The following CLMP variants were observed in gnomAD, a reference collection of about 807,000 sequenced individuals.
CLMP encodes CXADR like cell adhesion molecule, also known as CXADR-like membrane protein.
CLMP carries 27 observed loss-of-function variants against 45.2 expected under a neutral mutation model. The observed-to-expected ratio is 0.60, with a 90% CI of 0.44 to 0.82. The LOEUF is 0.82. Ranked by LOEUF, CLMP falls within the 40% of genes least tolerant of loss-of-function variation. The probability of loss-of-function intolerance (pLI) is 0.00; values close to 1 mark genes in which losing one functional copy is unlikely to be tolerated. For synonymous variants in CLMP, 167 were observed against 171.4 expected (o/e 0.97, Z 0.20); for missense variants, 403 against 448.4 (o/e 0.90, Z 0.91).
chr11:123,143,848 A>G (rs1861200205), intron 1 of CLMP, among the ~76,000 whole-genome samples: 1 of 147,998 alleles, frequency 6.8e-6, no homozygotes, highest in Non-Finnish European at 1.5e-5. Context: ...TCACTCTGTT[A>G]CTCAGGCTGG....
intron 1 of CLMP, among the ~76,000 whole-genome samples, chr11:123,168,331 G>A (rs1162054863): frequency 6.6e-6 from 1 of 152,192 alleles, no homozygotes; most frequent in Non-Finnish European, 1.5e-5. Context: ...GCTTTGACCA[G>A]ACAGCATCTA....
intron 1 of CLMP, among the ~76,000 whole-genome samples, chr11:123,178,433 C>T (rs567871301): frequency 7.2e-5 from 11 of 152,264 alleles, no homozygotes; most frequent in East Asian, 1.9e-4. Flanking sequence ...TTCTCATTTT[C>T]GCAAAGACAC....
chr11:123,129,780 A>G (rs77603361), intron 1 of CLMP, among the ~76,000 whole-genome samples: 20,174 of 150,160 alleles, frequency 0.13, 1,703 homozygotes, highest in African/African-American at 0.22. Context: ...AGGCAGCTAA[A>G]TGACAAGCCA....
chr11:123,150,517 A>G (rs111986010), intron 1 of CLMP, among the ~76,000 whole-genome samples: 24 of 128,334 alleles, frequency 1.9e-4, no homozygotes, highest in African/African-American at 6.9e-4. Context: ...GGAAGGAAGG[A>G]AGGAAGGAAG....
chr11:123,112,770 ATTTT>A (rs34587716), intron 1 of CLMP, among the ~76,000 whole-genome samples: 1 of 113,998 alleles, frequency 8.8e-6, no homozygotes, highest in Admixed American at 1.0e-4. Context: ...GTTAGTACCC[ATTTT>A]TTTTTTTTTT....
intron 1 of CLMP, among the ~76,000 whole-genome samples, chr11:123,144,438 C>T (rs899220056): frequency 2.6e-5 from 4 of 152,206 alleles, no homozygotes; most frequent in African/African-American, 9.7e-5. Flanking sequence ...ATGGTGCAAT[C>T]TCGGCTCACT....
chr11:123,099,036 T>C (rs904441804), intron 1 of CLMP, among the ~76,000 whole-genome samples: 19 of 152,062 alleles, frequency 1.2e-4, no homozygotes, highest in African/African-American at 4.6e-4. Flanking sequence ...GCTCTGTTAT[T>C]ATGCCAGGTC....
intron 1 of CLMP, among the ~76,000 whole-genome samples, chr11:123,142,720 G>A (rs1467458406): frequency 2.3e-5 from 3 of 132,772 alleles, no homozygotes; most frequent in African/African-American, 3.2e-5. Flanking sequence ...TCCGCTTCCC[G>A]GGTTCACGCC....
rs71057331 is a variant in CLMP at position 123,105,823 on chromosome 11, GT to G, written c.29-7872del. 5.5e-3 allele frequency among the ~76,000 whole-genome samples: 759 copies of G among 136,894 alleles called. 6 individuals carry two copies. Among genetic ancestry groups the G allele is most frequent in the African/African-American group, 0.017 (629 of 37,700 alleles). The allele number at this position is 136,894 out of a possible 152,430, so 89.8% of individuals were successfully genotyped here. A position where few individuals can be genotyped will look rare whatever the true frequency, so the allele number is the denominator to read the frequency against. On this transcript the variant is annotated intron_variant, in intron 1 of 6. Coordinates refer to ENST00000448775, the MANE Select transcript of CLMP (RefSeq NM_024769.5). ...TGTGGTTTTTGTTTGTTTGTTTTTT[GT>G]TTTTTTTTTTTTGAGACAATCTTGC...
At chr11:123,103,741 C>T (rs1860486904) in intron 1 of CLMP, among the ~76,000 whole-genome samples, 1 of 150,500 alleles carries the variant, frequency 6.6e-6, no homozygotes, top group African/African-American at 2.4e-5. Context: ...AAAGCTTTTA[C>T]ATTTTTTTAC....
rs186974435 is a variant in CLMP at position 123,166,952 on chromosome 11, A to T, written c.28+27961T>A. Among the ~76,000 whole-genome samples, 7 of 152,260 alleles carry T rather than the reference A, an allele frequency of 4.6e-5. No homozygotes were observed. In the East Asian group the frequency reaches 1.4e-3, roughly 29 times the overall value. ...AAACAAAATAAAACTAAAAAAAAAA[A>T]TCTGCCACCAAAGGAGAGATATCCT... On this transcript the variant is annotated intron_variant, in intron 1 of 6. Transcript: ENST00000448775.
At chr11:123,181,943 T>C (rs1043447130) in intron 1 of CLMP, among the ~76,000 whole-genome samples, 3 of 152,206 alleles carry the variant, frequency 2.0e-5, no homozygotes, top group African/African-American at 7.2e-5. Flanking sequence ...TATTTTGGGC[T>C]CCCTACTGGG....
At position 123,095,518 on chromosome 11, in the gene CLMP, C is replaced by T. The variant is rs181471978; in HGVS notation, c.186+2277G>A. The stretch of plus-strand genomic sequence containing the variant: ...CTCCTAACCTCAGGTTATCCACCCA[C>T]CTTGGCCTCCCAAAGTGCTGGGATT... On this transcript the variant is annotated intron_variant, in intron 2 of 6. Coordinates refer to ENST00000448775, the MANE Select transcript of CLMP (RefSeq NM_024769.5). 9.2e-5 allele frequency among the ~76,000 whole-genome samples: 14 copies of T among 152,282 alleles called. No homozygotes were observed. The East Asian group carries it at 2.5e-3, about 27-fold the overall frequency.
At chr11:123,104,168 C>T (rs1444679012) in intron 1 of CLMP, among the ~76,000 whole-genome samples, 2 of 140,894 alleles carry the variant, frequency 1.4e-5, no homozygotes, top group African/African-American at 5.3e-5. Context: ...CAGATTCTCC[C>T]TCTGTAGCCC....
chr11:123,073,906 A>T, intron 6 of CLMP, 132 bp from the exon 7 acceptor site: 1 of 862,400 alleles, frequency 1.2e-6, no homozygotes, highest in Non-Finnish European at 1.8e-6. Context: ...TTAGGGTCAT[A>T]GGTGCTTCCT....
intron 1 of CLMP, among the ~76,000 whole-genome samples, chr11:123,106,382 GGTGTGTGTGTGTGTGTGT>G (rs539659160): frequency 4.4e-5 from 6 of 135,292 alleles, no homozygotes; most frequent in African/African-American, 1.4e-4. Flanking sequence ...TTCTGTAGGA[GGTGTGTGTGTGTGTGTGT>G]GTGTGTGTGT....
chr11:123,170,912 CCAAGACGAATGAGTCT>C (rs1861624238), intron 1 of CLMP, among the ~76,000 whole-genome samples: 1 of 152,162 alleles, frequency 6.6e-6, no homozygotes, highest in Non-Finnish European at 1.5e-5. Flanking sequence ...ACTGGGCAAA[CCAAGACGAATGAGTCT>C]CAAGACTTCA....
chr11:123,190,172 G>C (rs1861889840), intron 1 of CLMP, among the ~76,000 whole-genome samples: 1 of 152,104 alleles, frequency 6.6e-6, no homozygotes, highest in Non-Finnish European at 1.5e-5. Flanking sequence ...CTTCCTGGGT[G>C]GGGGGATCGG....
chr11:123,114,458 C>CCCTT (rs1328156011), intron 1 of CLMP, among the ~76,000 whole-genome samples: 2 of 132,218 alleles, frequency 1.5e-5, no homozygotes, highest in East Asian at 4.5e-4. Flanking sequence ...CTCTCTCCCT[C>CCCTT]CCTTCCTTCC....
Sources: allele counts gnomAD v4.1 joint callset (sites outside exome capture counted in the v4.1 genomes callset), GRCh38; gene constraint gnomAD v4.1.1; transcripts MANE v1.5; gene names NCBI Gene and HGNC (gene_info 2026-07-23, HGNC 2026-07-21).